DLGAP2: variants seen among roughly 807,000 people sequenced by gnomAD.
The protein encoded by DLGAP2 is disks large-associated protein 2.
In DLGAP2, 26 loss-of-function variants were observed where a neutral mutation model predicts 100.3. The observed-to-expected ratio is 0.26, with a 90% CI of 0.19 to 0.36. DLGAP2 has a LOEUF of 0.36. Ranked by LOEUF, DLGAP2 falls within the 10% of genes least tolerant of loss-of-function variation. The probability of loss-of-function intolerance (pLI) is 1.00; values close to 1 mark genes in which losing one functional copy is unlikely to be tolerated. For synonymous variants in DLGAP2, 886 were observed against 630.1 expected (o/e 1.41, Z -6.08); for missense variants, 1,858 against 1,453.2 (o/e 1.28, Z -4.53).
At chr8:1,467,855 G>A (rs1178017232) in intron 3 of DLGAP2, among the ~76,000 whole-genome samples, 2 of 151,560 alleles carry the variant, frequency 1.3e-5, no homozygotes, top group African/African-American at 2.4e-5. Context: ...AGCTGACTTG[G>A]CTCTGAGATC....
intron 2 of DLGAP2, among the ~76,000 whole-genome samples, chr8:1,239,318 G>A (rs1320001811): frequency 0.013 from 145 of 10,884 alleles, 43 homozygotes; most frequent in South Asian, 0.016. Flanking sequence ...ACATGGCACC[G>A]TGCCTAGTTC....
chr8:1,633,158 A>T, intron 8 of DLGAP2, 112 bp downstream of exon 8: 3 of 1,020,568 alleles, frequency 2.9e-6, no homozygotes, highest in Non-Finnish European at 4.4e-6. Context: ...CTCTCCTGAC[A>T]TCTAGTAACG....
In DLGAP2 at chr8:1,349,149, C is replaced by T. The variant is rs111491527; in HGVS notation, c.106+90266C>T. Among the ~76,000 whole-genome samples the T allele has an allele frequency of 1.1e-3, 159 of 151,248 alleles. 1 individual carries two copies. Among genetic ancestry groups the T allele is most frequent in the African/African-American group, 3.6e-3 (150 of 41,232 alleles). On this transcript the variant is annotated intron_variant, in intron 3 of 14. Transcript: ENST00000637795. ...AGCCCATCAGGTCTCTTTCCCTTCC[C>T]GTTCACCTAAACAGACACAGCTTTA...
At chr8:1,607,066 A>T (rs557073443) in intron 6 of DLGAP2, among the ~76,000 whole-genome samples, 17 of 152,270 alleles carry the variant, frequency 1.1e-4, no homozygotes, top group African/African-American at 4.1e-4. Flanking sequence ...GTCCTTGATA[A>T]CTCAATGTTT....
At chr8:1,647,637 A>T (rs1356695079) in intron 8 of DLGAP2, among the ~76,000 whole-genome samples, 1 of 152,066 alleles carries the variant, frequency 6.6e-6, no homozygotes, top group Non-Finnish European at 1.5e-5. Context: ...CAATATCAAG[A>T]TAGCTTATCA....
intron 3 of DLGAP2, among the ~76,000 whole-genome samples, chr8:1,405,249 G>A (rs371683666): frequency 7.3e-4 from 5 of 6,874 alleles, no homozygotes; most frequent in Non-Finnish European, 1.1e-3. Context: ...CTCCCTCCTC[G>A]TCCTCCTGAG....
intron 6 of DLGAP2, among the ~76,000 whole-genome samples, chr8:1,582,831 G>A (rs1026237883): frequency 6.6e-6 from 1 of 152,136 alleles, no homozygotes; most frequent in South Asian, 2.1e-4. Context: ...CTCCTGACCT[G>A]AAATGGCCCA....
chr8:853,269 C>T (rs761704711), intron 1 of DLGAP2, among the ~76,000 whole-genome samples: 12 of 152,136 alleles, frequency 7.9e-5, no homozygotes, highest in East Asian at 1.9e-4. Context: ...TCCAGGGAAA[C>T]GAGATGGAAG....
intron 1 of DLGAP2, among the ~76,000 whole-genome samples, chr8:759,549 G>T (rs926050881): frequency 1.3e-5 from 2 of 151,492 alleles, no homozygotes; most frequent in African/African-American, 2.4e-5. Context: ...GGTGTGCACA[G>T]GTGTGTGTCC....
intron 1 of DLGAP2, among the ~76,000 whole-genome samples, chr8:814,735 C>A (rs113810129): frequency 0.017 from 2,620 of 151,170 alleles, 46 homozygotes; most frequent in Non-Finnish European, 0.022. Flanking sequence ...TGCCTATAGT[C>A]CCAGCTACTC....
At chr8:1,670,929 C>G (rs577410091) in intron 10 of DLGAP2, among the ~76,000 whole-genome samples, 1 of 152,218 alleles carries the variant, frequency 6.6e-6, no homozygotes, top group Middle Eastern at 3.2e-3. Flanking sequence ...AGGAGGGGAG[C>G]TGCAGACGGC....
chr8:1,520,838 G>A (rs1366184510), intron 4 of DLGAP2, among the ~76,000 whole-genome samples: 1 of 152,216 alleles, frequency 6.6e-6, no homozygotes, highest in Non-Finnish European at 1.5e-5. Context: ...GGGTTGATGT[G>A]TGGATGTAAG....
chr8:1,282,649 T>C (rs1799840636), intron 3 of DLGAP2, among the ~76,000 whole-genome samples: 1 of 126,036 alleles, frequency 7.9e-6, no homozygotes, highest in African/African-American at 2.9e-5. Context: ...ACCCAGCGCA[T>C]GAACCATCCA....
rs867341235 is a variant in DLGAP2, at chr8:1,388,644, C to A, written c.107-112722C>A. Among the ~76,000 whole-genome samples, 24 of 81,710 alleles carry A rather than the reference C, an allele frequency of 2.9e-4. 5 individuals are homozygous for A. The highest frequency in any genetic ancestry group is 1.7e-3 in the South Asian group (4 of 2,326). 53.6% of individuals were successfully genotyped at this position (81,710 alleles called of 152,430 possible). ...GGAGGCTCTGGTTCAGGTGTCAGGG[C>A]TGTGAGAGGCAGACGCCGTGGAAGA... is the stretch of plus-strand genomic sequence containing the variant. On this transcript the variant is annotated intron_variant, in intron 3 of 14. Transcript: ENST00000637795.
At chr8:1,314,749 C>G (rs1289412296) in intron 3 of DLGAP2, among the ~76,000 whole-genome samples, 1 of 152,212 alleles carries the variant, frequency 6.6e-6, no homozygotes, top group Non-Finnish European at 1.5e-5. Context: ...GGGGGTCTCC[C>G]TATGGTGCCA....
chr8:1,505,864 G>A (rs1227016123), intron 4 of DLGAP2, among the ~76,000 whole-genome samples: 3 of 152,118 alleles, frequency 2.0e-5, no homozygotes, highest in Non-Finnish European at 4.4e-5. Flanking sequence ...AAGAGTTGGT[G>A]ATTTATTTGC....
At chr8:1,094,589 G>A (rs1804303436) in intron 2 of DLGAP2, among the ~76,000 whole-genome samples, 1 of 152,190 alleles carries the variant, frequency 6.6e-6, no homozygotes, top group Admixed American at 6.5e-5. Context: ...TGGCGACAGC[G>A]ACGAGCTGCA....
At chr8:1,092,430 G>A (rs1403545777) in intron 2 of DLGAP2, among the ~76,000 whole-genome samples, 1 of 152,210 alleles carries the variant, frequency 6.6e-6, no homozygotes, top group Non-Finnish European at 1.5e-5. Flanking sequence ...GCCTGTGGTT[G>A]GACTTCGCAC....
Position 1,380,122 on chromosome 8 carries a change from C to G in DLGAP2, c.106+121239C>G, listed in dbSNP as rs552677857. On this transcript the variant is annotated intron_variant, in intron 3 of 14. Transcript: ENST00000637795. Reference sequence around the variant, plus strand: ...ATTCTCTTTTATGTCCCAGCCAAGCCGCTGGTTTGTAACAGTAGTTCAATA... The same window carrying G: ...ATTCTCTTTTATGTCCCAGCCAAGCGGCTGGTTTGTAACAGTAGTTCAATA... 6.6e-5 allele frequency: 10 copies of G among 152,286 alleles called. No homozygotes were observed. In the South Asian group the frequency reaches 1.9e-3, roughly 28 times the overall value. 9.4% of individuals were successfully genotyped at this position (152,286 alleles called of 1,614,324 possible). A position where few individuals can be genotyped will look rare whatever the true frequency, so the allele number is the denominator to read the frequency against.
Sources: allele counts gnomAD v4.1 joint callset (sites outside exome capture counted in the v4.1 genomes callset), GRCh38; gene constraint gnomAD v4.1.1; transcripts MANE v1.5; gene names NCBI Gene and HGNC (gene_info 2026-07-23, HGNC 2026-07-21).